Variants in ROBO1 observed in about 807,000 individuals in gnomAD.
ROBO1 encodes roundabout guidance receptor 1, also known as roundabout homolog 1.
In ROBO1, 149 loss-of-function variants were observed where a neutral mutation model predicts 195.9. The ratio of observed to expected loss-of-function variants is 0.76; its 90% CI spans 0.67 to 0.87. ROBO1 has a LOEUF of 0.87. Ranked by LOEUF, ROBO1 falls within the 40% of genes least tolerant of loss-of-function variation. The pLI, the probability that ROBO1 is intolerant of heterozygous loss-of-function variation, is 0.00. For missense variants in ROBO1, 1,933 were observed against 2,068.3 expected (o/e 0.93, Z 1.27); for synonymous variants, 816 against 733.2 (o/e 1.11, Z -1.82).
intron 1 of ROBO1, among the ~76,000 whole-genome samples, chr3:79,742,877 T>A (rs931470870): frequency 6.6e-6 from 1 of 152,176 alleles, no homozygotes; most frequent in African/African-American, 2.4e-5. Flanking sequence ...GAAAAAGCAT[T>A]TAGACATTTC....
intron 2 of ROBO1, among the ~76,000 whole-genome samples, chr3:79,309,111 A>C (rs1344831064): frequency 6.6e-6 from 1 of 152,192 alleles, no homozygotes; most frequent in Non-Finnish European, 1.5e-5. Flanking sequence ...TAGTTTTAAG[A>C]ATCACCTGAA....
chr3:79,576,170 C>T (rs186389306), intron 2 of ROBO1, among the ~76,000 whole-genome samples: 130 of 151,968 alleles, frequency 8.6e-4, no homozygotes, highest in African/African-American at 2.9e-3. Flanking sequence ...ATGTAAGACC[C>T]GCTATTCTGA....
At chr3:79,557,693 A>T (rs1324018696) in intron 2 of ROBO1, among the ~76,000 whole-genome samples, 1 of 127,540 alleles carries the variant, frequency 7.8e-6, no homozygotes, top group African/African-American at 3.3e-5. Flanking sequence ...AGATCGCGCC[A>T]CTGCACTCCA....
intron 4 of ROBO1, among the ~76,000 whole-genome samples, chr3:78,859,856 G>A (rs2034682127): frequency 6.6e-6 from 1 of 152,032 alleles, no homozygotes; most frequent in South Asian, 2.1e-4. Flanking sequence ...CAAGGCGGGT[G>A]GATCACGAGG....
intron 2 of ROBO1, among the ~76,000 whole-genome samples, chr3:79,539,985 AC>A (rs1942006066): frequency 6.6e-6 from 1 of 152,014 alleles, no homozygotes; most frequent in South Asian, 2.1e-4. Context: ...ATAATAATTC[AC>A]TTACTAATAT....
chr3:79,758,760 G>GGGGAAAGGGAAAGAACTT (rs1183261829), intron 1 of ROBO1, among the ~76,000 whole-genome samples: 1 of 152,092 alleles, frequency 6.6e-6, no homozygotes, highest in African/African-American at 2.4e-5. Flanking sequence ...GGAGACAGGT[G>GGGGAAAGGGAAAGAACTT]GGGAAAGGGA....
At chr3:79,605,075 TTACTAAGGTA>T (rs1481894066) in intron 1 of ROBO1, among the ~76,000 whole-genome samples, 4 of 151,976 alleles carry the variant, frequency 2.6e-5, no homozygotes, top group Admixed American at 2.0e-4. Flanking sequence ...ACTGAACTTC[TTACTAAGGTA>T]GCTAATGACT....
In ROBO1 at chr3:78,617,801, G is replaced by A. The variant is rs1398926147; in HGVS notation, c.4116C>T (p.Asn1372=). The A allele has an allele frequency of 1.2e-6, 2 of 1,613,900 alleles. No homozygotes were observed. Among genetic ancestry groups the A allele is most frequent in the South Asian group, 1.1e-5 (1 of 91,086 alleles). ...LESSVTGSMI[N]GWGSASEEDN... is the part of the protein sequence containing the mutation. The stretch of plus-strand genomic sequence containing the variant: ...CCTCCTCTGAGGCTGAGCCCCAGCC[G>A]TTGATCATGGACCCCGTGACAGAGC... Residue 1372 remains asparagine, a synonymous_variant, in exon 27 of 31, where the codon AAC becomes AAT. Transcript: ENST00000464233.
intron 3 of ROBO1, among the ~76,000 whole-genome samples, chr3:78,958,907 C>T (rs765775374): frequency 2.7e-5 from 4 of 150,886 alleles, no homozygotes; most frequent in Middle Eastern, 3.2e-3. Context: ...TCTCTGCAGC[C>T]TCAACCTCCC....
intron 2 of ROBO1, among the ~76,000 whole-genome samples, chr3:79,466,389 C>A (rs1353324343): frequency 1.3e-5 from 2 of 152,102 alleles, no homozygotes; most frequent in African/African-American, 4.8e-5. Flanking sequence ...TCTTCAAAGA[C>A]AAATAGCACC....
At chr3:79,634,736 T>C (rs895495180) in intron 1 of ROBO1, among the ~76,000 whole-genome samples, 4 of 152,094 alleles carry the variant, frequency 2.6e-5, no homozygotes, top group African/African-American at 9.7e-5. Context: ...GTTGAAAAAA[T>C]ACAGAAGTCA....
chr3:79,307,076 G>A (rs1019498863), intron 2 of ROBO1, among the ~76,000 whole-genome samples: 1 of 151,966 alleles, frequency 6.6e-6, no homozygotes, highest in Non-Finnish European at 1.5e-5. Flanking sequence ...AAGAAGGGAG[G>A]GGGGTCGGGG....
chr3:79,554,151 T>C (rs535904096), intron 2 of ROBO1, among the ~76,000 whole-genome samples: 5 of 152,004 alleles, frequency 3.3e-5, no homozygotes, highest in African/African-American at 7.2e-5. Flanking sequence ...ATCCTTGATG[T>C]CTTAATATAT....
chr3:79,688,962 T>G (rs930988058), intron 1 of ROBO1, among the ~76,000 whole-genome samples: 3 of 152,050 alleles, frequency 2.0e-5, no homozygotes, highest in African/African-American at 4.8e-5. Context: ...CCCCATTATT[T>G]TGTGATGTCT....
rs1039856935 is a variant in ROBO1 at position 79,021,710 on chromosome 3, G to T, written c.173-82783C>A. Among the ~76,000 whole-genome samples, 4 of 142,434 alleles carry T rather than the reference G, an allele frequency of 2.8e-5. No individual in the cohort carries two copies. The Admixed American group carries it at 2.9e-4, about 10-fold the overall frequency. The allele number at this position is 142,434 out of a possible 152,430, so 93.4% of individuals were successfully genotyped here. On this transcript the variant is annotated intron_variant, in intron 3 of 30. Coordinates refer to ENST00000464233, the MANE Select transcript of ROBO1 (RefSeq NM_002941.4). ...GAGTCTGTCTTTGTCGCCCAGGCTG[G>T]AGTGCAGTGGCGCGATCTCGGCTCA...
At chr3:78,848,284 G>C (rs933369269) in intron 4 of ROBO1, among the ~76,000 whole-genome samples, 1 of 151,944 alleles carries the variant, frequency 6.6e-6, no homozygotes, top group African/African-American at 2.4e-5. Context: ...TTAAATTGGC[G>C]CAACAGTAAT....
intron 3 of ROBO1, among the ~76,000 whole-genome samples, chr3:79,030,363 C>T (rs1040437541): frequency 3.9e-5 from 6 of 152,148 alleles, no homozygotes; most frequent in Non-Finnish European, 8.8e-5. Context: ...ATAGGACAGT[C>T]TCCCTCTCAC....
chr3:79,015,548 A>T (rs1576569218), intron 3 of ROBO1, among the ~76,000 whole-genome samples: 1 of 152,294 alleles, frequency 6.6e-6, no homozygotes, highest in Non-Finnish European at 1.5e-5. Context: ...GTTTAGAATC[A>T]GATCCTGAGA....
At chr3:78,958,424 G>A (rs1218939128) in intron 3 of ROBO1, among the ~76,000 whole-genome samples, 2 of 152,074 alleles carry the variant, frequency 1.3e-5, no homozygotes, top group African/African-American at 2.4e-5. Flanking sequence ...TTATCCATTA[G>A]GCTAACATTT....
Sources: gnomAD v4.1 joint callset for allele counts (sites outside exome capture counted in the v4.1 genomes callset) on GRCh38, gnomAD v4.1.1 for gene constraint, MANE v1.5 for transcripts, NCBI Gene and HGNC (gene_info 2026-07-23, HGNC 2026-07-21) for gene names.